Variants in BCL3 observed in about 807,000 individuals in gnomAD.
The protein encoded by BCL3 is B-cell lymphoma 3 protein.
In BCL3, 15 loss-of-function variants were observed where a neutral mutation model predicts 35.7. That is an observed-to-expected ratio of 0.42 (90% CI 0.28 to 0.65). BCL3 has a LOEUF of 0.65. BCL3 is among the 30% of genes least tolerant of loss of function. The probability of loss-of-function intolerance (pLI) is 0.22; values close to 1 mark genes in which losing one functional copy is unlikely to be tolerated. For synonymous variants in BCL3, 311 were observed against 284.3 expected (o/e 1.09, Z -0.95); for missense variants, 565 against 641.7 (o/e 0.88, Z 1.29).
chr19:44,758,806 C>A lies in BCL3; in HGVS notation c.1142C>A (p.Thr381Asn), dbSNP rs747655476. The A allele has an allele frequency of 2.4e-5, 38 of 1,606,726 alleles. No individual in the cohort carries two copies. The highest frequency in any genetic ancestry group is 3.1e-5 in the Non-Finnish European group (36 of 1,177,554). The change falls in exon 8 of 9, where the codon ACC (threonine) becomes AAC (asparagine). Residue 381 changes from threonine to asparagine, a missense_variant. Physicochemically the swap from Thr to Asn is moderately conservative, Grantham distance 65. Transcript: ENST00000164227. ...PDPSPDRSAN[T>N]SPESSSRLSS... ...CCCTCCCCTGACCGGAGCGCCAACA[C>A]CTCCCCCGAGAGCAGCAGCCGCCTC...
intron 7 of BCL3, 74 bp from the exon 8 acceptor site, chr19:44,758,650 C>T (rs1967347470): frequency 7.2e-7 from 1 of 1,379,732 alleles, no homozygotes; most frequent in South Asian, 1.2e-5. Context: ...CACCTGGATC[C>T]AGTGAGCTAG....
In BCL3 at chr19:44,758,368, G is replaced by T; in HGVS notation, c.1014G>T (p.Lys338Asn). 1 of 1,551,590 alleles carries T rather than the reference G, an allele frequency of 6.4e-7. No individual in the cohort carries two copies. ...GCAGCGGCGCTGACAGCAGCCTCAA[G>T]AACTGCCACAACGACACGCCGCTCA... Reference protein sequence around the residue: ...LVRSGADSSLKNCHNDTPLMV... With the variant: ...LVRSGADSSLNNCHNDTPLMV... The change falls in exon 7 of 9, where the codon AAG becomes AAT. Residue 338 changes from lysine to asparagine, a missense_variant. Physicochemically the swap from Lys to Asn is moderately conservative, Grantham distance 94 (BLOSUM62 0). Transcript: ENST00000164227.
At chr19:44,752,077 A>AGCAC (rs1437966541) in intron 2 of BCL3, among the ~76,000 whole-genome samples, 1 of 128,458 alleles carries the variant, frequency 7.8e-6, no homozygotes, top group Non-Finnish European at 1.5e-5. Context: ...TCTCAAACCC[A>AGCAC]GCACACACAC....
At chr19:44,749,135 C>T in intron 1 of BCL3, 89 bp downstream of exon 1, 1 of 616,280 alleles carries the variant, frequency 1.6e-6, no homozygotes, top group Middle Eastern at 5.8e-4. Context: ...AGGCACAAAC[C>T]GGTGTCTCTC....
Position 44,757,635 on chromosome 19 carries a change from C to G in BCL3, c.814-11C>G. Reference sequence around the variant, plus strand: ...GCTTGGAGAAACTAAGACCTTCCCTCCCCGCCGCAGGACATTAAGAGCGGC... The same window carrying G: ...GCTTGGAGAAACTAAGACCTTCCCTGCCCGCCGCAGGACATTAAGAGCGGC... On this transcript the variant is annotated splice_polypyrimidine_tract_variant and intron_variant, in intron 5 of 8. Transcript: ENST00000164227. The surrounding 1 kb of genome is among the most constrained non-coding windows in gnomAD (Gnocchi z 8.4). The G allele has an allele frequency of 6.2e-7, 1 of 1,613,448 alleles. No homozygotes were observed. The highest frequency in any genetic ancestry group is 8.5e-7 in the Non-Finnish European group (1 of 1,179,692).
At chr19:44,753,358 G>A (rs1444754400) in intron 2 of BCL3, among the ~76,000 whole-genome samples, 3 of 152,148 alleles carry the variant, frequency 2.0e-5, no homozygotes, top group Non-Finnish European at 2.9e-5. Flanking sequence ...AGGCCACCCG[G>A]CCCACCAGTC....
intron 2 of BCL3, among the ~76,000 whole-genome samples, chr19:44,754,222 T>A (rs1967237440): frequency 6.6e-6 from 1 of 152,034 alleles, no homozygotes; most frequent in Non-Finnish European, 1.5e-5. Context: ...TCCCAAGAGA[T>A]GTTGGGGGTG....
rs1568544374 is a variant in BCL3 at position 44,754,337 on chromosome 19, C to A, written c.411-1895C>A. Among the ~76,000 whole-genome samples the A allele has an allele frequency of 3.9e-5, 6 of 151,970 alleles. No individual in the cohort carries two copies. In the South Asian group the frequency reaches 1.0e-3, roughly 26 times the overall value. ...GAGGACTCGGGATTATGCGCCCCCC[C>A]TACACACACACACCTCAAGGGAGCT... On this transcript the variant is annotated intron_variant, in intron 2 of 8. Transcript: ENST00000164227.
At position 44,759,682 on chromosome 19, in the gene BCL3, C is replaced by T; in HGVS notation, c.*67C>T. 2 of 1,162,622 alleles carry T rather than the reference C, an allele frequency of 1.7e-6. No homozygotes were observed. Among genetic ancestry groups the T allele is most frequent in the South Asian group, 1.5e-5 (1 of 66,822 alleles). 72.0% of individuals were successfully genotyped at this position (1,162,622 alleles called of 1,614,324 possible). Reference sequence around the variant, plus strand: ...CCCCTGCCCTGTGGGGTCAACCCTTCTGGAAACTGTGAAGATCTCACTCTG... The same window carrying T: ...CCCCTGCCCTGTGGGGTCAACCCTTTTGGAAACTGTGAAGATCTCACTCTG... On this transcript the variant is annotated 3_prime_UTR_variant, in exon 9 of 9. Coordinates refer to ENST00000164227, the MANE Select transcript of BCL3 (RefSeq NM_005178.5).
chr19:44,748,152 AC>A (rs1355827292), upstream of BCL3: 4 of 1,217,534 alleles, frequency 3.3e-6, no homozygotes, highest in South Asian at 5.3e-5. Flanking sequence ...GAGATTCCAA[AC>A]CCCGTCCCAG....
intron 2 of BCL3, among the ~76,000 whole-genome samples, chr19:44,752,321 C>T (rs565845280): frequency 6.6e-6 from 1 of 151,788 alleles, no homozygotes; most frequent in South Asian, 2.1e-4. Flanking sequence ...CCACCTCAGC[C>T]TCCTGAGTAG....
At chr19:44,758,644 T>C in intron 7 of BCL3, 80 bp from the exon 8 acceptor site, 2 of 1,360,738 alleles carry the variant, frequency 1.5e-6, no homozygotes, top group Non-Finnish European at 2.0e-6. Context: ...GGCCACCACC[T>C]GGATCCAGTG....
In BCL3 at chr19:44,757,393, G is replaced by T; in HGVS notation, c.791G>T (p.Arg264Leu). 1 of 1,603,210 alleles carries T rather than the reference G, an allele frequency of 6.2e-7. No homozygotes were observed. The highest frequency in any genetic ancestry group is 1.1e-5 in the South Asian group (1 of 89,248). Residue 264 changes from arginine (R) to leucine (L), a missense_variant, in exon 5 of 9, where the codon CGC (arginine) becomes CTC (leucine). Physicochemically the swap from Arg to Leu is moderately radical, Grantham distance 102. Transcript: ENST00000164227. This position sits in a 1 kb window ranked among gnomAD's most constrained non-coding sequence, Gnocchi z 8.4. ...CQETVQLLLE[R>L]GADIDAVDIK... The stretch of plus-strand genomic sequence containing the variant: ...GAAACCGTGCAGCTCTTGCTAGAGC[G>T]CGGTGCCGACATCGACGCAGTGGTG...
In BCL3 at chr19:44,751,330, C is replaced by T. The variant is rs1967176244; in HGVS notation, c.360C>T (p.Pro120=). The T allele has an allele frequency of 6.2e-7, 1 of 1,604,934 alleles. No homozygotes were observed. The highest frequency in any genetic ancestry group is 1.1e-5 in the South Asian group (1 of 89,840). The change falls in exon 2 of 9, where the codon CCC becomes CCT. Residue 120 remains proline, a synonymous_variant. Coordinates refer to ENST00000164227, the MANE Select transcript of BCL3 (RefSeq NM_005178.5). ...LYPMMCPMEH[P]LSADIAMATR... is the part of the protein sequence containing the mutation. Reference sequence around the variant, plus strand: ...CCATGATGTGCCCCATGGAACACCCCCTTTCTGCTGACATCGCCATGGCCA... The same window carrying T: ...CCATGATGTGCCCCATGGAACACCCTCTTTCTGCTGACATCGCCATGGCCA...
upstream of BCL3, chr19:44,748,607 A>G: frequency 1.5e-6 from 1 of 649,848 alleles, no homozygotes; most frequent in Non-Finnish European, 1.9e-6. Context: ...GGTCCAGGAA[A>G]CCCCTGGGGC....
Position 44,751,305 on chromosome 19 carries a change from C to A in BCL3, c.335C>A (p.Pro112His), listed in dbSNP as rs760615560. Residue 112 changes from proline to histidine, a missense_variant, in exon 2 of 9, where the codon CCC (proline) becomes CAC (histidine). By Grantham distance (77) the Pro-to-His change is moderately conservative. Around this residue, in one of 5 missense-constraint regions of BCL3, gnomAD observed 267 missense variants for 281.5 expected, o/e 0.95. Transcript: ENST00000164227. ...GTGAACCTGCCTACACCCCTATACC[C>A]CATGATGTGCCCCATGGAACACCCC... ...PLVNLPTPLY[P>H]MMCPMEHPLS... 9.9e-6 allele frequency: 16 copies of A among 1,608,598 alleles called. No homozygotes were observed. The highest frequency in any genetic ancestry group is 1.4e-5 in the Non-Finnish European group (16 of 1,178,262).
chr19:44,751,032 G>A (rs1967168313), intron 1 of BCL3, among the ~76,000 whole-genome samples, 195 bp from the exon 2 acceptor site: 1 of 152,128 alleles, frequency 6.6e-6, no homozygotes, highest in South Asian at 2.1e-4. Context: ...AGAGGGAGAG[G>A]AAGCTGCCAG....
At position 44,759,858 on chromosome 19, in the gene BCL3, G is replaced by A; in HGVS notation, c.*243G>A. 2.3e-6 allele frequency: 1 copy of A among 437,522 alleles called. No individual in the cohort carries two copies. Among genetic ancestry groups the A allele is most frequent in the South Asian group, 4.5e-5 (1 of 22,018 alleles). The allele number at this position is 437,522 out of a possible 1,614,324, so 27.1% of individuals were successfully genotyped here. A position where few individuals can be genotyped will look rare whatever the true frequency, so the allele number is the denominator to read the frequency against. On this transcript the variant is annotated 3_prime_UTR_variant, in exon 9 of 9. Coordinates refer to ENST00000164227, the MANE Select transcript of BCL3 (RefSeq NM_005178.5). Reference sequence around the variant, plus strand: ...TCAGGCACCAGTCCCTGTCCGGAATGCCACCCACATCTTCCATTTCCATGT... The same window carrying A: ...TCAGGCACCAGTCCCTGTCCGGAATACCACCCACATCTTCCATTTCCATGT...
upstream of BCL3, chr19:44,747,803 C>T: frequency 2.8e-6 from 3 of 1,090,636 alleles, no homozygotes; most frequent in African/African-American, 1.6e-5. Flanking sequence ...GATCTCTGCG[C>T]CTGTCTCCAT....
Sources: gnomAD v4.1 joint callset for allele counts (sites outside exome capture counted in the v4.1 genomes callset) on GRCh38, gnomAD v4.1.1 for gene constraint, gnomAD v4.1.1 regional missense constraint, Gnocchi (gnomAD v3.1) non-coding constraint, MANE v1.5 for transcripts, NCBI Gene and HGNC (gene_info 2026-07-23, HGNC 2026-07-21) for gene names.